The following TMEM120B variants were observed in gnomAD, a reference collection of about 807,000 sequenced individuals.
TMEM120B encodes the protein transmembrane protein 120B.
A neutral mutation model predicts 55.5 loss-of-function variants in TMEM120B; 31 were observed. The observed-to-expected ratio is 0.56, with a 90% confidence interval of 0.42 to 0.75. The LOEUF (loss-of-function observed/expected upper bound fraction) is 0.75, where lower values mean the gene tolerates loss of function less well. TMEM120B is among the 30% of genes least tolerant of loss of function. The probability of loss-of-function intolerance (pLI) is 0.00; values close to 1 mark genes in which losing one functional copy is unlikely to be tolerated. For missense variants in TMEM120B, 399 were observed against 425.5 expected, an observed-to-expected ratio of 0.94 and a Z score of 0.55; for synonymous variants, 203 against 176.3, an observed-to-expected ratio of 1.15 and a Z score of -1.20.
chr12:121,715,693 AG>A (rs1894687678), intron 1 of TMEM120B, among the ~76,000 whole-genome samples: 1 of 152,088 alleles, frequency 6.6e-6, no homozygotes, highest in African/African-American at 2.4e-5. Flanking sequence ...GGGGCCAGTC[AG>A]GGATGGCTCC....
intron 6 of TMEM120B, among the ~76,000 whole-genome samples, chr12:121,769,902 A>G (rs915625568): frequency 8.5e-5 from 13 of 152,080 alleles, no homozygotes; most frequent in African/African-American, 2.4e-4. Context: ...GCAGACAGTG[A>G]TCCATGCCAT....
chr12:121,758,723 T>C lies in TMEM120B; in HGVS notation c.462-2926T>C, dbSNP rs1319668301. On this transcript the variant is annotated intron_variant, in intron 5 of 11. Coordinates refer to ENST00000449592, the MANE Select transcript of TMEM120B (RefSeq NM_001080825.2). ...TCACCATGGAGGAGGACGGCCCAGC[T>C]CCACGCTGTGGTCACCATGGAGGAG... The C allele has an allele frequency of 1.1e-4, 97 of 918,500 alleles. No individual in the cohort carries two copies. In the Admixed American group the frequency reaches 1.5e-3, roughly 14 times the overall value. The allele number at this position is 918,500 out of a possible 1,614,324, so 56.9% of individuals were successfully genotyped here. A position where few individuals can be genotyped will look rare whatever the true frequency, so the allele number is the denominator to read the frequency against.
At chr12:121,752,707 C>T (rs185278268) in intron 5 of TMEM120B, among the ~76,000 whole-genome samples, 33 of 152,104 alleles carry the variant, frequency 2.2e-4, no homozygotes, top group Non-Finnish European at 3.8e-4. Flanking sequence ...GAGTTGAGAT[C>T]GCTGCACTCC....
In TMEM120B at chr12:121,780,884, G is replaced by T. The variant is rs759829961; in HGVS notation, c.*5162G>T. 1.2e-5 allele frequency: 20 copies of T among 1,613,416 alleles called. 1 individual carries two copies. The highest frequency in any genetic ancestry group is 3.3e-4 in the Middle Eastern group (2 of 6,078). On this transcript the variant is annotated 3_prime_UTR_variant, in exon 12 of 12. Coordinates refer to ENST00000449592, the MANE Select transcript of TMEM120B (RefSeq NM_001080825.2). ...GGCCCCGGCCCACCTGCATGTAGGTGATGGGCTCCAGCTGGGCGGCCCGGA... is the reference window on the plus strand; with the variant it reads ...GGCCCCGGCCCACCTGCATGTAGGTTATGGGCTCCAGCTGGGCGGCCCGGA...
chr12:121,719,933 C>T (rs1894765346), intron 1 of TMEM120B, among the ~76,000 whole-genome samples: 1 of 152,154 alleles, frequency 6.6e-6, no homozygotes. Flanking sequence ...CTCCTGACCT[C>T]AGGTGATCTG....
At chr12:121,761,876 G>T (rs1873689950) in intron 6 of TMEM120B, 138 bp downstream of exon 6, 1 of 637,398 alleles carries the variant, frequency 1.6e-6, no homozygotes, top group African/African-American at 1.8e-5. Context: ...TTCAGATCCA[G>T]GAAGGAGGAA....
rs1397198659 is a variant in TMEM120B at position 121,748,355 on chromosome 12, C to T, written c.218C>T (p.Ala73Val). The change falls in exon 3 of 12, where the codon GCG becomes GTG. Residue 73 changes from alanine to valine, a missense_variant. By Grantham distance (64) the Ala-to-Val change is moderately conservative (BLOSUM62 0). Around this residue, in one of 3 missense-constraint regions of TMEM120B, gnomAD observed 133 missense variants for 104.1 expected, o/e 1.28. Coordinates refer to ENST00000449592, the MANE Select transcript of TMEM120B (RefSeq NM_001080825.2). ...AAACGCCATGCCAGTCGGGAGGAGGCGGAGCTCGTTCAGCAGATGGCAGCG... is the reference window on the plus strand; with the variant it reads ...AAACGCCATGCCAGTCGGGAGGAGGTGGAGCTCGTTCAGCAGATGGCAGCG... The part of the protein sequence containing the change: ...RCKRHASREE[A>V]ELVQQMAANI... The T allele has an allele frequency of 2.5e-6, 4 of 1,610,910 alleles. No individual in the cohort carries two copies. The highest frequency in any genetic ancestry group is 3.4e-6 in the Non-Finnish European group (4 of 1,178,532).
chr12:121,779,541 T>G lies in TMEM120B; in HGVS notation c.*3819T>G, dbSNP rs746152646. 3.1e-6 allele frequency: 5 copies of G among 1,613,216 alleles called. No individual in the cohort carries two copies. The South Asian group carries it at 3.3e-5, about 11-fold the overall frequency. ...CCGGCGCTTCTTCTGCCGTTGCGCC[T>G]TCTTCAGAGCGCTGAGAGCCACCTT... On this transcript the variant is annotated 3_prime_UTR_variant, in exon 12 of 12. Transcript: ENST00000449592.
rs1192872002 is a variant in TMEM120B at position 121,776,958 on chromosome 12, T to C, written c.*1236T>C. 2 of 148,322 alleles carry C rather than the reference T, an allele frequency of 1.3e-5. No individual in the cohort carries two copies. Among genetic ancestry groups the C allele is most frequent in the Non-Finnish European group, 3.0e-5 (2 of 66,850 alleles). The allele number at this position is 148,322 out of a possible 1,614,324, so 9.2% of individuals were successfully genotyped here. ...ACACACCACCATGCCCTGCTCCTTT[T>C]TTTTTTTTTTTTTTGAGATGGGAGT... On this transcript the variant is annotated 3_prime_UTR_variant, in exon 12 of 12. Coordinates refer to ENST00000449592, the MANE Select transcript of TMEM120B (RefSeq NM_001080825.2).
chr12:121,735,672 C>T (rs1012828372), intron 1 of TMEM120B, among the ~76,000 whole-genome samples: 1 of 150,760 alleles, frequency 6.6e-6, no homozygotes, highest in Non-Finnish European at 1.5e-5. Context: ...GCTGGGATTA[C>T]AGGCATGAGC....
chr12:121,725,126 A>G (rs1005432862), intron 1 of TMEM120B, among the ~76,000 whole-genome samples: 10 of 152,038 alleles, frequency 6.6e-5, no homozygotes, highest in Non-Finnish European at 1.5e-5. Flanking sequence ...TGATTTGGGT[A>G]TTCTATGAAG....
chr12:121,722,374 G>A (rs1235110967), intron 1 of TMEM120B, among the ~76,000 whole-genome samples: 1 of 152,162 alleles, frequency 6.6e-6, no homozygotes, highest in Non-Finnish European at 1.5e-5. Context: ...TGGGATTAGA[G>A]GCGTAAGCCA....
At position 121,776,477 on chromosome 12, in the gene TMEM120B, C is replaced by T. The variant is rs865899190; in HGVS notation, c.*755C>T. On this transcript the variant is annotated 3_prime_UTR_variant, in exon 12 of 12. Transcript: ENST00000449592. ...GAGAGTGGGACCAAGACCCTTGGCC[C>T]CTGTGGAGGGGAACCACCTCCCCCC... 5 of 152,240 alleles carry T rather than the reference C, an allele frequency of 3.3e-5. No individual in the cohort carries two copies. The East Asian group carries it at 5.8e-4, about 18-fold the overall frequency. The allele number at this position is 152,240 out of a possible 1,614,324, so 9.4% of individuals were successfully genotyped here. A position where few individuals can be genotyped will look rare whatever the true frequency, so the allele number is the denominator to read the frequency against.
At chr12:121,761,992 C>A (rs1393740294) in intron 6 of TMEM120B, among the ~76,000 whole-genome samples, 1 of 152,080 alleles carries the variant, frequency 6.6e-6, no homozygotes, top group Admixed American at 6.6e-5. Context: ...AACATATTTT[C>A]TCATAAAAAG....
At chr12:121,773,779 A>C (rs1178335959) in intron 9 of TMEM120B, among the ~76,000 whole-genome samples, 1 of 83,492 alleles carries the variant, frequency 1.2e-5, no homozygotes, top group South Asian at 3.8e-4. Context: ...CACACACACA[A>C]ATTAGCCATT....
chr12:121,713,770 C>G (rs889855326), intron 1 of TMEM120B, among the ~76,000 whole-genome samples: 10 of 152,152 alleles, frequency 6.6e-5, no homozygotes, highest in African/African-American at 2.4e-4. Flanking sequence ...AGAGACGCCT[C>G]AGGAAACCTT....
chr12:121,759,400 G>T (rs116287450), intron 5 of TMEM120B, among the ~76,000 whole-genome samples: 4,101 of 152,122 alleles, frequency 0.027, 201 homozygotes, highest in African/African-American at 0.094. Context: ...AAGCTTGGCC[G>T]GATGCGGTGG....
intron 2 of TMEM120B, among the ~76,000 whole-genome samples, chr12:121,744,942 C>T (rs1873037766): frequency 6.6e-6 from 1 of 152,170 alleles, no homozygotes; most frequent in Non-Finnish European, 1.5e-5. Flanking sequence ...TTGGTAATGG[C>T]AGGGCTCAGA....
At chr12:121,740,772 A>T (rs2137112334) in intron 1 of TMEM120B, among the ~76,000 whole-genome samples, 1 of 152,230 alleles carries the variant, frequency 6.6e-6, no homozygotes, top group South Asian at 2.1e-4. Context: ...TATTTGAGAG[A>T]ATATAGCTGT....
Sources: gnomAD v4.1 joint callset for allele counts (sites outside exome capture counted in the v4.1 genomes callset) on GRCh38, gnomAD v4.1.1 for gene constraint, gnomAD v4.1.1 regional missense constraint, MANE v1.5 for transcripts, NCBI Gene and HGNC (gene_info 2026-07-23, HGNC 2026-07-21) for gene names.